Variants in FSTL4 observed in about 807,000 individuals in gnomAD.
FSTL4 encodes the protein follistatin like 4.
Under a neutral mutation model 78.2 loss-of-function variants are expected in FSTL4, and 28 were observed. The ratio of observed to expected loss-of-function variants is 0.36; its 90% CI spans 0.27 to 0.49. The LOEUF (loss-of-function observed/expected upper bound fraction) is 0.49. Among genes scored for constraint, FSTL4 ranks in the 20% least tolerant of loss-of-function variants. The pLI is 0.98. For missense variants in FSTL4, 922 were observed against 1,084.9 expected (o/e 0.85, Z 2.11); for synonymous variants, 422 against 440.5 (o/e 0.96, Z 0.53).
chr5:133,208,862 G>C (rs1750613507), intron 14 of FSTL4, among the ~76,000 whole-genome samples: 1 of 152,082 alleles, frequency 6.6e-6, no homozygotes, highest in African/African-American at 2.4e-5. Flanking sequence ...GTAGAGACGG[G>C]GTTTCACTAT....
the FSTL4 span, among the ~76,000 whole-genome samples, chr5:133,728,586 G>A: frequency 1.3e-5 from 2 of 152,356 alleles, no homozygotes; most frequent in East Asian, 3.9e-4. Flanking sequence ...ATGATTCCTA[G>A]ATTCCTGAAG....
At chr5:133,421,470 A>G (rs529565627) in intron 3 of FSTL4, among the ~76,000 whole-genome samples, 7 of 152,308 alleles carry the variant, frequency 4.6e-5, no homozygotes, top group African/African-American at 1.4e-4. Context: ...TTTCCCTTGC[A>G]TGATCCCAGG....
At chr5:133,516,746 A>C (rs1166496350) in intron 3 of FSTL4, among the ~76,000 whole-genome samples, 1 of 152,202 alleles carries the variant, frequency 6.6e-6, no homozygotes, top group African/African-American at 2.4e-5. Flanking sequence ...TGTAAAACTA[A>C]GGTTACCAAA....
chr5:133,399,748 C>T (rs1437769978), intron 4 of FSTL4, among the ~76,000 whole-genome samples: 1 of 152,246 alleles, frequency 6.6e-6, no homozygotes, highest in African/African-American at 2.4e-5. Context: ...GCCTCCTCCT[C>T]TCCTCCCTGT....
chr5:133,319,246 G>A (rs532650605), intron 4 of FSTL4, among the ~76,000 whole-genome samples: 1 of 152,326 alleles, frequency 6.6e-6, no homozygotes, highest in East Asian at 1.9e-4. Flanking sequence ...CAATCATCTG[G>A]GGGAAAGGGG....
At chr5:133,498,734 A>G (rs1281184268) in intron 3 of FSTL4, among the ~76,000 whole-genome samples, 1 of 150,974 alleles carries the variant, frequency 6.6e-6, no homozygotes, top group African/African-American at 2.4e-5. Context: ...AAAAAAAAGG[A>G]TCATGCCTTT....
At chr5:133,610,549 G>A (rs1761067955) in intron 1 of FSTL4, among the ~76,000 whole-genome samples, 2 of 152,336 alleles carry the variant, frequency 1.3e-5, no homozygotes, top group Non-Finnish European at 2.9e-5. Context: ...AAGATGGGAA[G>A]CAGACACGTG....
At chr5:133,793,330 C>G in the FSTL4 span, among the ~76,000 whole-genome samples, 1 of 152,264 alleles carries the variant, frequency 6.6e-6, no homozygotes, top group Non-Finnish European at 1.5e-5. Flanking sequence ...GGGCACATCC[C>G]CTCTGCCTGC....
chr5:133,313,706 T>C (rs1753840771), intron 5 of FSTL4, among the ~76,000 whole-genome samples: 2 of 152,170 alleles, frequency 1.3e-5, no homozygotes, highest in Admixed American at 1.3e-4. Flanking sequence ...AAAGGCAATT[T>C]AATGTGATAA....
intron 4 of FSTL4, among the ~76,000 whole-genome samples, chr5:133,330,940 G>A (rs923465562): frequency 1.3e-5 from 2 of 152,186 alleles, no homozygotes; most frequent in African/African-American, 4.8e-5. Flanking sequence ...CTGTGGTTAT[G>A]CTGTGGACAC....
At chr5:133,685,843 C>A in the FSTL4 span, among the ~76,000 whole-genome samples, 2 of 152,238 alleles carry the variant, frequency 1.3e-5, no homozygotes, top group East Asian at 1.9e-4. Context: ...AAATCGCACA[C>A]CCTCACTGTG....
At chr5:133,594,324 G>C (rs1188013570) in intron 2 of FSTL4, among the ~76,000 whole-genome samples, 1 of 152,208 alleles carries the variant, frequency 6.6e-6, no homozygotes, top group African/African-American at 2.4e-5. Context: ...CCAAGTAGCT[G>C]GGATTACAGG....
rs140787868 is a variant in FSTL4, at chr5:133,254,627, T to C, written c.728-5051A>G. Among the ~76,000 whole-genome samples, 146 of 152,312 alleles carry C rather than the reference T, an allele frequency of 9.6e-4. 1 individual carries two copies. Among genetic ancestry groups the C allele is most frequent in the Non-Finnish European group, 1.5e-3 (101 of 68,018 alleles). On this transcript the variant is annotated intron_variant, in intron 6 of 15. Transcript: ENST00000265342. ...ACTGCATCGGGAAGCCTGGGCATCGTGCGTGATCAGGGCAGATAGCCGCAG... is the reference window on the plus strand; with the variant it reads ...ACTGCATCGGGAAGCCTGGGCATCGCGCGTGATCAGGGCAGATAGCCGCAG...
At chr5:133,598,997 A>T (rs141368749) in intron 2 of FSTL4, among the ~76,000 whole-genome samples, 1 of 152,306 alleles carries the variant, frequency 6.6e-6, no homozygotes, top group African/African-American at 2.4e-5. Flanking sequence ...ACAAACACCA[A>T]CGGGCAGATC....
chr5:133,470,795 AT>A, intron 3 of FSTL4, among the ~76,000 whole-genome samples: 2 of 148,240 alleles, frequency 1.3e-5, no homozygotes, highest in African/African-American at 5.0e-5. Context: ...ATAAAATAAA[AT>A]AAAATAAAAA....
At chr5:133,310,166 A>G (rs6880509) in intron 6 of FSTL4, among the ~76,000 whole-genome samples, 23,901 of 152,188 alleles carry the variant, frequency 0.16, 2,086 homozygotes, top group African/African-American at 0.21. Flanking sequence ...AGTGGGGGTT[A>G]ACTCATTTTG....
chr5:133,745,474 T>C, the FSTL4 span, among the ~76,000 whole-genome samples: 1 of 152,162 alleles, frequency 6.6e-6, no homozygotes, highest in Non-Finnish European at 1.5e-5. Context: ...AATCCACACA[T>C]AGTGTATATA....
the FSTL4 span, among the ~76,000 whole-genome samples, chr5:133,770,194 A>C: frequency 6.6e-6 from 1 of 152,174 alleles, no homozygotes; most frequent in African/African-American, 2.4e-5. Context: ...TACAATAAAC[A>C]TATGAGTGCA....
At chr5:133,271,936 GA>G (rs1419097332) in intron 6 of FSTL4, among the ~76,000 whole-genome samples, 5 of 152,210 alleles carry the variant, frequency 3.3e-5, no homozygotes, top group Non-Finnish European at 7.4e-5. Context: ...GACCTCAACA[GA>G]GCTGCTTTTC....
Sources: gnomAD v4.1 joint callset for allele counts (sites outside exome capture counted in the v4.1 genomes callset) on GRCh38, gnomAD v4.1.1 for gene constraint, MANE v1.5 for transcripts, NCBI Gene and HGNC (gene_info 2026-07-23, HGNC 2026-07-21) for gene names.